RPL3: variants seen among roughly 807,000 people sequenced by gnomAD.
RPL3 encodes the protein large ribosomal subunit protein uL3.
RPL3 carries 3 observed loss-of-function variants against 46.0 expected under a neutral mutation model. The ratio of observed to expected loss-of-function variants is 0.07; its 90% CI spans 0.03 to 0.17. The LOEUF is 0.17. Ranked by LOEUF, RPL3 falls within the 10% of genes least tolerant of loss-of-function variation. The probability of loss-of-function intolerance (pLI) is 1.00; values close to 1 mark genes in which losing one functional copy is unlikely to be tolerated. For synonymous variants in RPL3, 224 were observed against 190.8 expected (o/e 1.17, Z -1.43); for missense variants, 387 against 532.7 (o/e 0.73, Z 2.69).
rs1922561365 is a variant in RPL3, at chr22:39,314,589, G to A, written c.849+97C>T. 11 of 1,384,254 alleles carry A rather than the reference G, an allele frequency of 7.9e-6. No homozygotes were observed. In the Admixed American group the frequency reaches 8.6e-5, roughly 11 times the overall value. The allele number at this position is 1,384,254 out of a possible 1,614,324, so 85.7% of individuals were successfully genotyped here. A position where few individuals can be genotyped will look rare whatever the true frequency, so the allele number is the denominator to read the frequency against. On this transcript the variant is annotated intron_variant, in intron 6 of 9. Transcript: ENST00000216146. Reference sequence around the variant, plus strand: ...CCACTGATGTCCACGTGATGCATAAGCTACAGTCAGTGAAGCAGCACTGAC... The same window carrying A: ...CCACTGATGTCCACGTGATGCATAAACTACAGTCAGTGAAGCAGCACTGAC...
At position 39,319,322 on chromosome 22, in the gene RPL3, G is replaced by A. The variant is rs530183118; in HGVS notation, c.3+273C>T. 1.4e-4 allele frequency: 84 copies of A among 586,918 alleles called. No homozygotes were observed. The Admixed American group carries it at 1.9e-3, about 13-fold the overall frequency. The allele number at this position is 586,918 out of a possible 1,614,324, so 36.4% of individuals were successfully genotyped here. On this transcript the variant is annotated intron_variant, in intron 1 of 9. Transcript: ENST00000216146. ...ATTGGTGAGGTCGAAACTTAGAAATGACTCATGGCTTTAAAAACGCCGGGC... is the reference window on the plus strand; with the variant it reads ...ATTGGTGAGGTCGAAACTTAGAAATAACTCATGGCTTTAAAAACGCCGGGC...
At position 39,314,861 on chromosome 22, in the gene RPL3, C is replaced by A. The variant is rs950291085; in HGVS notation, c.689-15G>T. 13 of 1,608,012 alleles carry A rather than the reference C, an allele frequency of 8.1e-6. No homozygotes were observed. The highest frequency in any genetic ancestry group is 1.3e-5 in the African/African-American group (1 of 74,782). ...ACTGGTGACCCCTGGAATGGATACA[C>A]ATTACTTCACCTCAGCGCCCAGCAC... On this transcript the variant is annotated splice_polypyrimidine_tract_variant and intron_variant, in intron 5 of 9. Coordinates refer to ENST00000216146, the MANE Select transcript of RPL3 (RefSeq NM_000967.4).
intron 2 of RPL3, chr22:39,318,135 C>A: frequency 2.2e-6 from 1 of 460,418 alleles, no homozygotes; most frequent in Non-Finnish European, 3.9e-6. Flanking sequence ...GTTAACTTCT[C>A]TTTGCTAAGG....
intron 8 of RPL3, 70 bp from the exon 9 acceptor site, chr22:39,313,380 C>A (rs1569158937): frequency 1.9e-6 from 3 of 1,590,222 alleles, no homozygotes; most frequent in Admixed American, 3.5e-5. Context: ...GTTCACAGCG[C>A]CCCTGCATCT....
chr22:39,319,493 G>A (rs1222176225), intron 1 of RPL3, 102 bp downstream of exon 1: 1 of 1,510,586 alleles, frequency 6.6e-7, no homozygotes, highest in East Asian at 2.5e-5. Flanking sequence ...TGCCCCTAAA[G>A]CAAACCCCCG....
chr22:39,317,173 G>A (rs763352557), intron 3 of RPL3: 3 of 573,296 alleles, frequency 5.2e-6, no homozygotes, highest in Admixed American at 3.1e-5. Context: ...CACCCCTATA[G>A]GGGTTTAATT....
At chr22:39,318,984 T>C (rs756571300) in intron 1 of RPL3, 5 of 539,932 alleles carry the variant, frequency 9.3e-6, no homozygotes, top group Non-Finnish European at 1.5e-5. Context: ...TGTTAAGCTA[T>C]AGGCTGCCTC....
rs1569161150 is a variant in RPL3 at position 39,316,786 on chromosome 22, C to T, written c.421G>A (p.Asp141Asn). Residue 141 changes from aspartate to asparagine, a missense_variant, in exon 4 of 10, where the codon GAT becomes AAT. Physicochemically the swap from Asp to Asn is conservative, Grantham distance 23. This residue lies in a region of RPL3 where 196 missense variants were observed against 217.5 expected (regional missense o/e 0.90). Coordinates refer to ENST00000216146, the MANE Select transcript of RPL3 (RefSeq NM_000967.4). The stretch of plus-strand genomic sequence containing the variant: ...TCCTTCTCCAGCTGCTTCTTGCCAT[C>T]CTCATCCTGCCATTTCTTGCAGTAC... ...TKYCKKWQDE[D>N]GKKQLEKDFS... 1.9e-6 allele frequency: 3 copies of T among 1,614,042 alleles called. No individual in the cohort carries two copies. The South Asian group carries it at 3.3e-5, about 18-fold the overall frequency.
chr22:39,316,588 T>A lies in RPL3; in HGVS notation c.501+118A>T, dbSNP rs539620241. The A allele has an allele frequency of 6.1e-5, 80 of 1,309,162 alleles. 1 individual carries two copies. In the South Asian group the frequency reaches 1.0e-3, roughly 17 times the overall value. The allele number at this position is 1,309,162 out of a possible 1,614,324, so 81.1% of individuals were successfully genotyped here. A position where few individuals can be genotyped will look rare whatever the true frequency, so the allele number is the denominator to read the frequency against. On this transcript the variant is annotated intron_variant, in intron 4 of 9. Transcript: ENST00000216146. ...TTGCTAAGGGCCAGTAAGGACACAG[T>A]GCCCTCTGCTGGCAAGGGAGAAGCC...
chr22:39,317,972 T>C, intron 2 of RPL3: 1 of 356,154 alleles, frequency 2.8e-6, no homozygotes, highest in Non-Finnish European at 5.2e-6. Context: ...CTGCCTAACA[T>C]TAATGTCTCC....
Position 39,316,693 on chromosome 22 carries a change from G to A in RPL3, c.501+13C>T, listed in dbSNP as rs1237699430. 6.2e-6 allele frequency: 10 copies of A among 1,611,974 alleles called. No homozygotes were observed. Among genetic ancestry groups the A allele is most frequent in the Non-Finnish European group, 8.5e-6 (10 of 1,179,844 alleles). ...AAGTGGCAGGCCAAGCCACCCCGGG[G>A]CACTGGGCTCACCTGGGTGTGGGCA... is the stretch of plus-strand genomic sequence containing the variant. On this transcript the variant is annotated intron_variant, in intron 4 of 9. Transcript: ENST00000216146.
intron 2 of RPL3, 86 bp from the exon 3 acceptor site, chr22:39,317,715 A>T (rs1922793457): frequency 1.3e-6 from 2 of 1,514,896 alleles, no homozygotes; most frequent in Non-Finnish European, 1.8e-6. Flanking sequence ...GTGCCCATTT[A>T]GGCCGGAAGG....
rs73887465 is a variant in RPL3 at position 39,318,141 on chromosome 22, T to A, written c.196+259A>T. 1.0e-3 allele frequency: 476 copies of A among 469,248 alleles called. 3 individuals carry two copies. Among genetic ancestry groups the A allele is most frequent in the African/African-American group, 8.8e-3 (440 of 49,722 alleles). The allele number at this position is 469,248 out of a possible 1,614,324, so 29.1% of individuals were successfully genotyped here. On this transcript the variant is annotated intron_variant, in intron 2 of 9. Transcript: ENST00000216146. ...CACACTAGTGTTAACTTCTCTTTGC[T>A]AAGGTTCCTGGCAAATTTACTATGC...
At chr22:39,319,046 G>A (rs1027374215) in intron 1 of RPL3, 2 of 537,760 alleles carry the variant, frequency 3.7e-6, no homozygotes, top group Admixed American at 1.9e-5. Context: ...GAACTCCGCA[G>A]AGCCAAATCA....
intron 5 of RPL3, chr22:39,315,137 A>G: frequency 1.2e-6 from 1 of 806,106 alleles, no homozygotes; most frequent in Non-Finnish European, 2.2e-6. Flanking sequence ...GTAGGCTACA[A>G]AGAGCAAAGG....
At chr22:39,319,240 C>A in intron 1 of RPL3, 1 of 509,544 alleles carries the variant, frequency 2.0e-6, no homozygotes, top group Non-Finnish European at 3.7e-6. Context: ...AACCTCCACC[C>A]AAGGTCCTTC....
chr22:39,317,112 A>C (rs1028034192), intron 3 of RPL3: 2 of 604,092 alleles, frequency 3.3e-6, no homozygotes, highest in Admixed American at 6.1e-5. Context: ...GGGGAAGCCC[A>C]CTCAGTGATG....
In RPL3 at chr22:39,318,544, G is replaced by A; in HGVS notation, c.52C>T (p.Pro18Ser). Residue 18 changes from proline to serine, a missense_variant, in exon 2 of 10, where the codon CCT becomes TCT. This residue lies in a region of RPL3 where 8 missense variants were observed against 23.8 expected (regional missense o/e 0.34). Transcript: ENST00000216146. Reference sequence around the variant, plus strand: ...CGATGCCTGCTGCTGCGCTTCCGAGGCAGGAAGCCGAGGGACCCATGTCTG... The same window carrying A: ...CGATGCCTGCTGCTGCGCTTCCGAGACAGGAAGCCGAGGGACCCATGTCTG... ...APRHGSLGFL[P>S]RKRSSRHRGK... The A allele has an allele frequency of 1.2e-6, 2 of 1,613,288 alleles. No individual in the cohort carries two copies. Among genetic ancestry groups the A allele is most frequent in the Non-Finnish European group, 1.7e-6 (2 of 1,179,636 alleles).
At position 39,318,601 on chromosome 22, in the gene RPL3, GA is replaced by G. The variant is rs545737675; in HGVS notation, c.4-10del. On this transcript the variant is annotated splice_polypyrimidine_tract_variant and intron_variant, in intron 1 of 9. Transcript: ENST00000216146. ...GAGAACTTTCTGTGAGACTAGGTGG[GA>G]AAAAAATCACCGTCAGCACCCAAAC... is the stretch of plus-strand genomic sequence containing the variant. 5.0e-6 allele frequency: 8 copies of G among 1,598,430 alleles called. No individual in the cohort carries two copies. The highest frequency in any genetic ancestry group is 1.8e-5 in the Admixed American group (1 of 56,732).
Sources: gnomAD v4.1 joint callset for allele counts on GRCh38, gnomAD v4.1.1 for gene constraint, gnomAD v4.1.1 regional missense constraint, MANE v1.5 for transcripts, NCBI Gene and HGNC (gene_info 2026-07-23, HGNC 2026-07-21) for gene names.